SERPINB8: variants seen among roughly 807,000 people sequenced by gnomAD.
The protein encoded by SERPINB8 is serpin B8.
Under a neutral mutation model 35.3 loss-of-function variants are expected in SERPINB8, and 25 were observed. The observed-to-expected ratio is 0.71, with a 90% CI of 0.52 to 0.99. The LOEUF is 0.99. SERPINB8 is among the 50% of genes least tolerant of loss of function. SERPINB8 has a pLI of 0.00. For synonymous variants in SERPINB8, 186 were observed against 160.8 expected, an observed-to-expected ratio of 1.16 and a Z score of -1.19; for missense variants, 484 against 446.5, an observed-to-expected ratio of 1.08 and a Z score of -0.76.
intron 1 of SERPINB8, among the ~76,000 whole-genome samples, chr18:64,002,173 C>T (rs1216356479): frequency 1.3e-5 from 2 of 152,154 alleles, no homozygotes; most frequent in Non-Finnish European, 2.9e-5. Context: ...GCACGTGTTT[C>T]TGTCATGTGC....
At chr18:63,996,182 A>T (rs999638612) in intron 1 of SERPINB8, among the ~76,000 whole-genome samples, 3 of 152,188 alleles carry the variant, frequency 2.0e-5, no homozygotes, top group Non-Finnish European at 4.4e-5. Context: ...TTTCAAAATA[A>T]ACCATAAATA....
intron 1 of SERPINB8, among the ~76,000 whole-genome samples, chr18:63,999,017 C>T (rs2144839728): frequency 6.6e-6 from 1 of 152,350 alleles, no homozygotes; most frequent in Non-Finnish European, 1.5e-5. Context: ...TATTCTTGCT[C>T]ATGGCACGGG....
chr18:63,972,215 T>C (rs1325946999), intron 1 of SERPINB8, among the ~76,000 whole-genome samples: 1 of 152,090 alleles, frequency 6.6e-6, no homozygotes, highest in African/African-American at 2.4e-5. Context: ...ATCACCACCT[T>C]CCTGAGTTTC....
At position 63,979,688 on chromosome 18, in the gene SERPINB8, C is replaced by G. The variant is rs941796670; in HGVS notation, c.169-113C>G. The G allele has an allele frequency of 7.5e-6, 10 of 1,341,668 alleles. No individual in the cohort carries two copies. The African/African-American group carries it at 1.5e-4, about 20-fold the overall frequency. The allele number at this position is 1,341,668 out of a possible 1,614,324, so 83.1% of individuals were successfully genotyped here. ...CCTGTGCTAGACAATTAGGCCAAAC[C>G]TTTTTAAAGTAGGATCCTGTGTGGT... is the stretch of plus-strand genomic sequence containing the variant. On this transcript the variant is annotated intron_variant, in intron 2 of 6. Coordinates refer to ENST00000397985, the MANE Select transcript of SERPINB8 (RefSeq NM_002640.4).
At chr18:64,017,932 A>T (rs1309673157) in intron 7 of SERPINB8, among the ~76,000 whole-genome samples, 2 of 152,226 alleles carry the variant, frequency 1.3e-5, no homozygotes, top group Non-Finnish European at 2.9e-5. Flanking sequence ...TAATAATTTT[A>T]AAACTCCACC....
intron 1 of SERPINB8, among the ~76,000 whole-genome samples, chr18:63,972,060 C>T (rs1420666926): frequency 1.3e-5 from 2 of 151,526 alleles, no homozygotes; most frequent in East Asian, 1.9e-4. Context: ...TACAAAAGAA[C>T]ATTTAAAATG....
At chr18:64,007,599 C>T (rs941992591), downstream of SERPINB8, among the ~76,000 whole-genome samples, 1 of 152,148 alleles carries the variant, frequency 6.6e-6, no homozygotes, top group African/African-American at 2.4e-5. Flanking sequence ...ACAGGTTGTA[C>T]AGGATTCTGC....
intron 1 of SERPINB8, among the ~76,000 whole-genome samples, chr18:64,002,730 C>T (rs2050881597): frequency 6.6e-6 from 1 of 152,024 alleles, no homozygotes; most frequent in Non-Finnish European, 1.5e-5. Context: ...GGGGCGTCGG[C>T]CGACCCCGCC....
chr18:63,973,772 G>A (rs370878034), intron 1 of SERPINB8, among the ~76,000 whole-genome samples: 2 of 152,102 alleles, frequency 1.3e-5, no homozygotes, highest in Admixed American at 6.5e-5. Flanking sequence ...GTTTTTGTCC[G>A]GTTTGTCAAA....
In SERPINB8 at chr18:63,976,019, C is replaced by T. The variant is rs139015798; in HGVS notation, c.-10-2280C>T. 2.1e-3 allele frequency among the ~76,000 whole-genome samples: 319 copies of T among 152,206 alleles called. 1 individual carries two copies. Among genetic ancestry groups the T allele is most frequent in the African/African-American group, 7.1e-3 (294 of 41,522 alleles). ...CTGTTTATAGAAATGAACACATGCA[C>T]GATAATTTATATCTCTAGATAGAGT... On this transcript the variant is annotated intron_variant, in intron 1 of 6. Coordinates refer to ENST00000397985, the MANE Select transcript of SERPINB8 (RefSeq NM_002640.4).
Position 63,987,397 on chromosome 18 carries a change from T to C in SERPINB8, c.*119T>C, listed in dbSNP as rs1372791158. ...GCCAAAATAAAGCGTGTGCACTGGATAGTGTGTGAAAGTCTTTGCTGAAAG... is the reference window on the plus strand; with the variant it reads ...GCCAAAATAAAGCGTGTGCACTGGACAGTGTGTGAAAGTCTTTGCTGAAAG... On this transcript the variant is annotated 3_prime_UTR_variant, in exon 7 of 7. Coordinates refer to ENST00000397985, the MANE Select transcript of SERPINB8 (RefSeq NM_002640.4). The C allele has an allele frequency of 9.5e-7, 1 of 1,053,354 alleles. No homozygotes were observed. The highest frequency in any genetic ancestry group is 1.4e-6 in the Non-Finnish European group (1 of 723,542). 65.3% of individuals were successfully genotyped at this position (1,053,354 alleles called of 1,614,324 possible).
In SERPINB8 at chr18:63,985,396, T is replaced by C. The variant is rs1599150200; in HGVS notation, c.720+151T>C. The C allele has an allele frequency of 3.7e-6, 3 of 809,336 alleles. No homozygotes were observed. In the East Asian group the frequency reaches 8.1e-5, roughly 22 times the overall value. 50.1% of individuals were successfully genotyped at this position (809,336 alleles called of 1,614,324 possible). A position where few individuals can be genotyped will look rare whatever the true frequency, so the allele number is the denominator to read the frequency against. On this transcript the variant is annotated intron_variant, in intron 6 of 6. Coordinates refer to ENST00000397985, the MANE Select transcript of SERPINB8 (RefSeq NM_002640.4). ...ATCATTGTGTGTCTTTTGATGAACATGTTCATGCATTTCTGTTGAGTGTAT... is the reference window on the plus strand; with the variant it reads ...ATCATTGTGTGTCTTTTGATGAACACGTTCATGCATTTCTGTTGAGTGTAT...
rs1334629671 is a variant in SERPINB8, at chr18:63,981,721, G to A, written c.307G>A (p.Asp103Asn). The A allele has an allele frequency of 1.2e-6, 2 of 1,604,098 alleles. No individual in the cohort carries two copies. Among genetic ancestry groups the A allele is most frequent in the Non-Finnish European group, 1.7e-6 (2 of 1,172,736 alleles). ...TAAACTCAGTGTTTTGTGTTTGCAGGACTTTAAAGAATACTGTCAGAAGTT... is the reference window on the plus strand; with the variant it reads ...TAAACTCAGTGTTTTGTGTTTGCAGAACTTTAAAGAATACTGTCAGAAGTT... ...FGEKTCDFLP[D>N]FKEYCQKFYQ... The change falls in exon 4 of 7, where the codon GAC becomes AAC. Residue 103 changes from aspartate to asparagine, a missense_variant and splice_region_variant. Asp to Asn is a conservative substitution (Grantham distance 23). Coordinates refer to ENST00000397985, the MANE Select transcript of SERPINB8 (RefSeq NM_002640.4).
At position 63,987,114 on chromosome 18, in the gene SERPINB8, G is replaced by A; in HGVS notation, c.961G>A (p.Val321Ile). ...SKVAHKCFVE[V>I]NEEGTEAAAA... ...GGTTGCCCACAAGTGCTTCGTGGAGGTCAATGAGGAAGGCACAGAGGCTGC... is the reference window on the plus strand; with the variant it reads ...GGTTGCCCACAAGTGCTTCGTGGAGATCAATGAGGAAGGCACAGAGGCTGC... The change falls in exon 7 of 7, where the codon GTC becomes ATC. Residue 321 changes from valine (V) to isoleucine (I), a missense_variant. By Grantham distance (29) the Val-to-Ile change is conservative. Coordinates refer to ENST00000397985, the MANE Select transcript of SERPINB8 (RefSeq NM_002640.4). 1 of 1,614,174 alleles carries A rather than the reference G, an allele frequency of 6.2e-7. No homozygotes were observed. Among genetic ancestry groups the A allele is most frequent in the Non-Finnish European group, 8.5e-7 (1 of 1,180,046 alleles).
At position 63,995,867 on chromosome 18, in the gene SERPINB8, A is replaced by C. The variant is rs117075435; in HGVS notation, c.71-8952A>C. ...GCTGAGGAGATGGGAGATAAGTCTC[A>C]AATCCATCTCCCTGACCAGCTAAAA... On this transcript the variant is annotated intron_variant, in intron 1 of 1. Coordinates refer to the SERPINB8 transcript ENST00000493661. Among the ~76,000 whole-genome samples, 76 of 152,356 alleles carry C rather than the reference A, an allele frequency of 5.0e-4. No individual in the cohort carries two copies. In the East Asian group the frequency reaches 0.013, roughly 27 times the overall value.
At chr18:63,995,218 G>T (rs571230111) in intron 1 of SERPINB8, among the ~76,000 whole-genome samples, 63 of 152,226 alleles carry the variant, frequency 4.1e-4, no homozygotes, top group Non-Finnish European at 7.1e-4. Context: ...AGAGCCTCAC[G>T]ATCCTCTCCC....
chr18:63,973,081 G>A (rs909228797), intron 1 of SERPINB8, among the ~76,000 whole-genome samples: 2 of 152,160 alleles, frequency 1.3e-5, no homozygotes, highest in Non-Finnish European at 2.9e-5. Flanking sequence ...CTTCCATAAT[G>A]GTTGAACTAG....
At chr18:63,972,823 C>CAT (rs1568266693) in intron 1 of SERPINB8, among the ~76,000 whole-genome samples, 2 of 152,066 alleles carry the variant, frequency 1.3e-5, no homozygotes, top group Non-Finnish European at 2.9e-5. Flanking sequence ...ATGAACTCAT[C>CAT]GTTTTTTTAT....
intron 1 of SERPINB8, among the ~76,000 whole-genome samples, chr18:63,970,790 C>G (rs188931968): frequency 2.2e-4 from 34 of 152,288 alleles, no homozygotes; most frequent in Non-Finnish European, 2.9e-4. Flanking sequence ...CCTGTCCCCC[C>G]CCTCCGTTCT....
Sources: allele counts gnomAD v4.1 joint callset (sites outside exome capture counted in the v4.1 genomes callset), GRCh38; gene constraint gnomAD v4.1.1; transcripts MANE v1.5; gene names NCBI Gene and HGNC (gene_info 2026-07-23, HGNC 2026-07-21).